The following RAD23B variants were observed in gnomAD, a reference collection of about 807,000 sequenced individuals.
RAD23B encodes RAD23 nucleotide excision repair protein B.
RAD23B carries 5 observed loss-of-function variants against 49.1 expected under a neutral mutation model. The observed-to-expected ratio is 0.10, with a 90% CI of 0.05 to 0.21. The LOEUF (loss-of-function observed/expected upper bound fraction) is 0.21. Among genes scored for constraint, RAD23B ranks in the 10% least tolerant of loss-of-function variants. The pLI is 1.00. For missense variants in RAD23B, 356 were observed against 486.7 expected, an observed-to-expected ratio of 0.73 and a Z score of 2.53; for synonymous variants, 184 against 165.4, an observed-to-expected ratio of 1.11 and a Z score of -0.86.
At chr9:107,320,231 C>T (rs1827080459) in intron 6 of RAD23B, among the ~76,000 whole-genome samples, 1 of 152,256 alleles carries the variant, frequency 6.6e-6, no homozygotes, top group African/African-American at 2.4e-5. Flanking sequence ...TCTTTAAATG[C>T]TGGCAGTTTA....
At chr9:107,308,133 G>A (rs78986470) in intron 4 of RAD23B, among the ~76,000 whole-genome samples, 3,053 of 150,680 alleles carry the variant, frequency 0.02, 43 homozygotes, top group Middle Eastern at 0.041. Flanking sequence ...AAAAAAAAAA[G>A]CTTACAGTGT....
At chr9:107,287,061 C>T (rs1368908827) in intron 1 of RAD23B, among the ~76,000 whole-genome samples, 3 of 139,586 alleles carry the variant, frequency 2.1e-5, no homozygotes, top group Non-Finnish European at 4.5e-5. Context: ...GGCGACAAAG[C>T]GAGACTCCGT....
At chr9:107,298,926 T>C (rs1826592934) in intron 1 of RAD23B, among the ~76,000 whole-genome samples, 1 of 152,132 alleles carries the variant, frequency 6.6e-6, no homozygotes, top group South Asian at 2.1e-4. Flanking sequence ...GGATTTCTAC[T>C]TTGGGGAACA....
intron 4 of RAD23B, among the ~76,000 whole-genome samples, chr9:107,309,988 A>G (rs1826859642): frequency 6.6e-6 from 1 of 151,726 alleles, no homozygotes; most frequent in Non-Finnish European, 1.5e-5. Context: ...TCTAAGGGAG[A>G]TGTGTCTTAC....
chr9:107,315,168 G>A (rs543418155), intron 5 of RAD23B, among the ~76,000 whole-genome samples: 371 of 152,092 alleles, frequency 2.4e-3, no homozygotes, highest in Middle Eastern at 0.02. Flanking sequence ...GAGAAGTCTG[G>A]GTCTAGTTTC....
In RAD23B at chr9:107,283,627, A is replaced by G; in HGVS notation, c.-3A>G. On this transcript the variant is annotated 5_prime_UTR_variant, in exon 1 of 10. Transcript: ENST00000358015. ...CCCGGCAGCCGAGCTGCGCGGCGGC[A>G]CCATGCAGGTCACCCTGAAGACCCT... 3 of 1,478,334 alleles carry G rather than the reference A, an allele frequency of 2.0e-6. No individual in the cohort carries two copies. The highest frequency in any genetic ancestry group is 2.7e-6 in the Non-Finnish European group (3 of 1,112,436). The allele number at this position is 1,478,334 out of a possible 1,614,324, so 91.6% of individuals were successfully genotyped here. A position where few individuals can be genotyped will look rare whatever the true frequency, so the allele number is the denominator to read the frequency against.
At chr9:107,310,209 A>G (rs1177700741) in intron 4 of RAD23B, among the ~76,000 whole-genome samples, 2 of 152,172 alleles carry the variant, frequency 1.3e-5, no homozygotes, top group Non-Finnish European at 2.9e-5. Context: ...CTCATACTGT[A>G]CACCTGCAAA....
chr9:107,311,420 A>G (rs1193327976), intron 4 of RAD23B, among the ~76,000 whole-genome samples: 4 of 152,116 alleles, frequency 2.6e-5, no homozygotes, highest in African/African-American at 9.7e-5. Context: ...CTGTTAGGAT[A>G]TTATTTTATA....
chr9:107,302,281 A>G (rs951866755), intron 3 of RAD23B, among the ~76,000 whole-genome samples, 167 bp downstream of exon 3: 1 of 152,200 alleles, frequency 6.6e-6, no homozygotes, highest in Non-Finnish European at 1.5e-5. Context: ...TAAAGTTATT[A>G]ATGTTTTACA....
intron 1 of RAD23B, among the ~76,000 whole-genome samples, chr9:107,289,798 T>A (rs1833346530): frequency 6.6e-6 from 1 of 152,206 alleles, no homozygotes; most frequent in Non-Finnish European, 1.5e-5. Context: ...TGAAATAATA[T>A]TAACAGTGCT....
intron 4 of RAD23B, among the ~76,000 whole-genome samples, chr9:107,309,241 C>G (rs1826842674): frequency 6.6e-6 from 1 of 152,202 alleles, no homozygotes; most frequent in Non-Finnish European, 1.5e-5. Flanking sequence ...CAGAAATCAA[C>G]AAGCCCTCCT....
chr9:107,311,626 G>C (rs1826888335), intron 4 of RAD23B, 56 bp from the exon 5 acceptor site: 1 of 1,279,098 alleles, frequency 7.8e-7, no homozygotes, highest in African/African-American at 1.5e-5. Flanking sequence ...CTAAACTAAT[G>C]TAAATTAAAT....
rs11573732 is a variant in RAD23B, at chr9:107,331,324, G to A, written c.*1668G>A. 0.062 allele frequency: 11,204 copies of A among 179,376 alleles called. 486 individuals are homozygous for A. The highest frequency in any genetic ancestry group is 0.12 in the South Asian group (817 of 7,000). The allele number at this position is 179,376 out of a possible 1,614,324, so 11.1% of individuals were successfully genotyped here. On this transcript the variant is annotated 3_prime_UTR_variant, in exon 10 of 10. Coordinates refer to ENST00000358015, the MANE Select transcript of RAD23B (RefSeq NM_002874.5). The stretch of plus-strand genomic sequence containing the variant: ...TTGAGACCAGCCTGACCGTCATGGC[G>A]AAACCCCGTCTATACTAAAAATACA...
chr9:107,300,850 C>T (rs1451821367), intron 2 of RAD23B, among the ~76,000 whole-genome samples: 1 of 152,136 alleles, frequency 6.6e-6, no homozygotes, highest in Admixed American at 6.5e-5. Context: ...TTTGATCACC[C>T]ATGGATTCTT....
chr9:107,308,486 T>C (rs977408315), intron 4 of RAD23B, among the ~76,000 whole-genome samples: 2 of 152,236 alleles, frequency 1.3e-5, no homozygotes, highest in African/African-American at 4.8e-5. Flanking sequence ...CCCAAAGTGC[T>C]GGGATTATAG....
In RAD23B at chr9:107,318,753, G is replaced by A. The variant is rs1289455065; in HGVS notation, c.555G>A (p.Val185=). 6.2e-7 allele frequency: 1 copy of A among 1,606,706 alleles called. No homozygotes were observed. Among genetic ancestry groups the A allele is most frequent in the South Asian group, 1.1e-5 (1 of 89,906 alleles). ...NLFEDATSAL[V]TGQSYENMVT... Reference sequence around the variant, plus strand: ...TTCCCCTCCACCCTCCCTTTTTAGTGACGGGTCAGTCTTACGAGAATATGG... The same window carrying A: ...TTCCCCTCCACCCTCCCTTTTTAGTAACGGGTCAGTCTTACGAGAATATGG... The change falls in exon 6 of 10, where the codon GTG becomes GTA. Residue 185 remains valine (V), a splice_region_variant and synonymous_variant. Transcript: ENST00000358015. This position sits in a 1 kb window ranked among gnomAD's most constrained non-coding sequence, Gnocchi z 4.3.
intron 3 of RAD23B, among the ~76,000 whole-genome samples, chr9:107,306,160 ATAGT>A (rs1407919048): frequency 6.7e-6 from 1 of 149,674 alleles, no homozygotes; most frequent in Non-Finnish European, 1.5e-5. Context: ...ATTGTGGTTG[ATAGT>A]TAAGATTAAC....
chr9:107,293,350 G>C (rs1833421989), intron 1 of RAD23B, among the ~76,000 whole-genome samples: 1 of 152,108 alleles, frequency 6.6e-6, no homozygotes, highest in Non-Finnish European at 1.5e-5. Flanking sequence ...GAGTCATTGG[G>C]GGCCATCTTG....
rs1827185590 is a variant in RAD23B at position 107,325,335 on chromosome 9, A to T, written c.1116+331A>T. On this transcript the variant is annotated intron_variant, in intron 9 of 9. Transcript: ENST00000358015. ...TCTCAAAAAAAAAAAAAAAAAAAAA[A>T]AAAAAATTCCTTAGTCACACTAGCC... is the stretch of plus-strand genomic sequence containing the variant. Among the ~76,000 whole-genome samples the T allele has an allele frequency of 2.7e-5, 4 of 150,250 alleles. No homozygotes were observed. The South Asian group carries it at 8.3e-4, about 31-fold the overall frequency.
Sources: allele counts gnomAD v4.1 joint callset (sites outside exome capture counted in the v4.1 genomes callset), GRCh38; gene constraint gnomAD v4.1.1; non-coding constraint Gnocchi (gnomAD v3.1); transcripts MANE v1.5; gene names NCBI Gene and HGNC (gene_info 2026-07-23, HGNC 2026-07-21).